Variants in OSBPL6 observed in about 807,000 individuals in gnomAD.
OSBPL6 encodes the protein oxysterol-binding protein-related protein 6.
A neutral mutation model predicts 125.8 loss-of-function variants in OSBPL6; 49 were observed. That is an observed-to-expected ratio of 0.39 (90% CI 0.31 to 0.49). OSBPL6 has a LOEUF of 0.49. Among genes scored for constraint, OSBPL6 ranks in the 20% least tolerant of loss-of-function variants. The pLI, the probability that OSBPL6 is intolerant of heterozygous loss-of-function variation, is 0.88. For missense variants in OSBPL6, 986 were observed against 1,135.4 expected, an observed-to-expected ratio of 0.87 and a Z score of 1.89; for synonymous variants, 394 against 391.8, an observed-to-expected ratio of 1.01 and a Z score of -0.07.
In OSBPL6 at chr2:178,339,111, T is replaced by C; in HGVS notation, c.894+17T>C. The C allele has an allele frequency of 6.6e-7, 1 of 1,510,464 alleles. No individual in the cohort carries two copies. Among genetic ancestry groups the C allele is most frequent in the Non-Finnish European group, 9.2e-7 (1 of 1,088,704 alleles). 93.6% of individuals were successfully genotyped at this position (1,510,464 alleles called of 1,614,324 possible). On this transcript the variant is annotated intron_variant, in intron 10 of 24. Transcript: ENST00000190611. ...GACATGCAGGTAAACATATTCCTGC[T>C]GCTGGTAAAAGGACTTAGGGTATTA...
intron 2 of OSBPL6, among the ~76,000 whole-genome samples, chr2:178,293,249 T>G (rs1685450055): frequency 6.6e-6 from 1 of 152,154 alleles, no homozygotes; most frequent in South Asian, 2.1e-4. Context: ...TTGCTTAGAT[T>G]TACAAAGATG....
In OSBPL6 at chr2:178,395,511, T is replaced by C; in HGVS notation, c.2757T>C (p.Leu919=). ...TTTCTAACGACACCTACTGGGAGCT[T>C]CGAAAGGACCCTGGGTTTAGCAAAG... is the stretch of plus-strand genomic sequence containing the variant. ...AWVSNDTYWE[L]RKDPGFSKVD... is the part of the protein sequence containing the mutation. Residue 919 remains leucine, a synonymous_variant, in exon 25 of 25, where the codon CTT becomes CTC. Coordinates refer to ENST00000190611, the MANE Select transcript of OSBPL6 (RefSeq NM_032523.4). 2 of 1,613,826 alleles carry C rather than the reference T, an allele frequency of 1.2e-6. No individual in the cohort carries two copies. Among genetic ancestry groups the C allele is most frequent in the Non-Finnish European group, 1.7e-6 (2 of 1,179,806 alleles).
intron 13 of OSBPL6, among the ~76,000 whole-genome samples, chr2:178,367,249 T>A (rs980409117): frequency 2.6e-5 from 4 of 152,212 alleles, no homozygotes; most frequent in Non-Finnish European, 4.4e-5. Flanking sequence ...ATGCATTTTT[T>A]AAAAATTTGT....
intron 1 of OSBPL6, among the ~76,000 whole-genome samples, chr2:178,217,401 G>A (rs1416471369): frequency 6.6e-6 from 1 of 152,180 alleles, no homozygotes; most frequent in Non-Finnish European, 1.5e-5. Context: ...AGAAGTCAGT[G>A]GGATGGTGAA....
intron 3 of OSBPL6, among the ~76,000 whole-genome samples, chr2:178,321,369 G>T (rs1688234207): frequency 6.6e-6 from 1 of 152,100 alleles, no homozygotes; most frequent in South Asian, 2.1e-4. Context: ...CTAGCTAGAG[G>T]CCAGGACTGG....
rs189647794 is a variant in OSBPL6, at chr2:178,386,575, C to T, written c.2078-486C>T. Reference sequence around the variant, plus strand: ...ATAAATTAATTGTATTGCTATACTCCAATTATTTTTAGTGTACATCTTATG... The same window carrying T: ...ATAAATTAATTGTATTGCTATACTCTAATTATTTTTAGTGTACATCTTATG... On this transcript the variant is annotated intron_variant, in intron 19 of 24. Coordinates refer to ENST00000190611, the MANE Select transcript of OSBPL6 (RefSeq NM_032523.4). Among the ~76,000 whole-genome samples, 439 of 151,772 alleles carry T rather than the reference C, an allele frequency of 2.9e-3. 2 individuals carry two copies. The highest frequency in any genetic ancestry group is 9.8e-3 in the African/African-American group (406 of 41,332).
chr2:178,349,174 G>T lies in OSBPL6; in HGVS notation c.988-50G>T. On this transcript the variant is annotated intron_variant, in intron 11 of 24. Coordinates refer to ENST00000190611, the MANE Select transcript of OSBPL6 (RefSeq NM_032523.4). ...AGAGGTCTTTTCTATGTAGGAGAATGTGAAACAATGCACTGTTGCTGTTTA... is the reference window on the plus strand; with the variant it reads ...AGAGGTCTTTTCTATGTAGGAGAATTTGAAACAATGCACTGTTGCTGTTTA... The T allele has an allele frequency of 1.9e-6, 3 of 1,569,044 alleles. No individual in the cohort carries two copies. The Middle Eastern group carries it at 5.0e-4, about 262-fold the overall frequency.
intron 1 of OSBPL6, among the ~76,000 whole-genome samples, chr2:178,234,034 A>G (rs2090948186): frequency 6.6e-6 from 1 of 152,162 alleles, no homozygotes. Flanking sequence ...TAATAATACT[A>G]ATCATATAGT....
rs180779805 is a variant in OSBPL6 at position 178,376,069 on chromosome 2, G to A, written c.1533+2042G>A. On this transcript the variant is annotated intron_variant, in intron 15 of 24. Coordinates refer to ENST00000190611, the MANE Select transcript of OSBPL6 (RefSeq NM_032523.4). Reference sequence around the variant, plus strand: ...ACTGTGAGGCATCATGAGTTTATCAGACCTCTCAGTGGAGTTACCTGTCAG... The same window carrying A: ...ACTGTGAGGCATCATGAGTTTATCAAACCTCTCAGTGGAGTTACCTGTCAG... 2.6e-4 allele frequency among the ~76,000 whole-genome samples: 40 copies of A among 152,236 alleles called. 1 individual carries two copies. In the East Asian group the frequency reaches 4.6e-3, roughly 18 times the overall value.
chr2:178,230,383 AT>A (rs2090766551), intron 1 of OSBPL6: 1 of 152,184 alleles, frequency 6.6e-6, no homozygotes, highest in African/African-American at 2.4e-5. Context: ...AGTTTGATTT[AT>A]TTTGCAACCT....
intron 1 of OSBPL6, among the ~76,000 whole-genome samples, chr2:178,281,670 G>A (rs1461471585): frequency 6.6e-6 from 1 of 152,068 alleles, no homozygotes; most frequent in Non-Finnish European, 1.5e-5. Flanking sequence ...AGAGGTAGAA[G>A]CCATTATCCT....
chr2:178,365,355 A>G (rs1022529219), intron 13 of OSBPL6, among the ~76,000 whole-genome samples: 1 of 152,210 alleles, frequency 6.6e-6, no homozygotes, highest in African/African-American at 2.4e-5. Flanking sequence ...TAGCAGATAA[A>G]ATACTTGAAA....
intron 15 of OSBPL6, among the ~76,000 whole-genome samples, chr2:178,380,456 C>CAA (rs60399092): frequency 0.048 from 1,248 of 25,962 alleles, 292 homozygotes; most frequent in Admixed American, 0.13. Flanking sequence ...GAGTCTGTCT[C>CAA]AAAAAAAAAA....
rs150898371 is a variant in OSBPL6, at chr2:178,254,197, G to A, written c.-350-30730G>A. On this transcript the variant is annotated intron_variant, in intron 1 of 24. Coordinates refer to ENST00000190611, the MANE Select transcript of OSBPL6 (RefSeq NM_032523.4). ...TCACGAGGTCAGGAGTTCGAGACCA[G>A]CCTGGCCAACATAATGAAACGCCGT... Among the ~76,000 whole-genome samples the A allele has an allele frequency of 4.4e-3, 663 of 152,246 alleles. 1 individual carries two copies. The highest frequency in any genetic ancestry group is 7.4e-3 in the Non-Finnish European group (500 of 68,018).
intron 15 of OSBPL6, among the ~76,000 whole-genome samples, chr2:178,379,412 A>G (rs1265469325): frequency 6.9e-6 from 1 of 145,554 alleles, no homozygotes; most frequent in Non-Finnish European, 1.5e-5. Flanking sequence ...GGAGGGAAAG[A>G]AAGAGAAAGA....
At chr2:178,266,219 A>G (rs1000117700) in intron 1 of OSBPL6, among the ~76,000 whole-genome samples, 2 of 152,236 alleles carry the variant, frequency 1.3e-5, no homozygotes, top group Admixed American at 1.3e-4. Context: ...CTCAATCGCA[A>G]GAAGACCACA....
chr2:178,293,414 A>C (rs113541348), intron 2 of OSBPL6, among the ~76,000 whole-genome samples: 10 of 152,212 alleles, frequency 6.6e-5, no homozygotes, highest in African/African-American at 9.6e-5. Flanking sequence ...AATTTCTTAA[A>C]CTTCAGCAAT....
At chr2:178,237,872 A>T (rs2091125107) in intron 1 of OSBPL6, among the ~76,000 whole-genome samples, 1 of 151,952 alleles carries the variant, frequency 6.6e-6, no homozygotes, top group Non-Finnish European at 1.5e-5. Context: ...TCTCATTCCC[A>T]TCACTACAAG....
At chr2:178,280,509 T>C (rs1684049224) in intron 1 of OSBPL6, among the ~76,000 whole-genome samples, 1 of 152,228 alleles carries the variant, frequency 6.6e-6, no homozygotes, top group Admixed American at 6.5e-5. Context: ...GGTTGTCTTT[T>C]TGAAGGTTGT....
Sources: gnomAD v4.1 joint callset for allele counts (sites outside exome capture counted in the v4.1 genomes callset) on GRCh38, gnomAD v4.1.1 for gene constraint, MANE v1.5 for transcripts, NCBI Gene and HGNC (gene_info 2026-07-23, HGNC 2026-07-21) for gene names.